Variants in SPICE1 observed in about 807,000 individuals in gnomAD.
The protein encoded by SPICE1 is spindle and centriole associated protein 1.
A neutral mutation model predicts 102.7 loss-of-function variants in SPICE1; 75 were observed. The ratio of observed to expected loss-of-function variants is 0.73; its 90% CI spans 0.61 to 0.88. SPICE1 has a LOEUF of 0.88. Among genes scored for constraint, SPICE1 ranks in the 40% least tolerant of loss-of-function variants. The probability of loss-of-function intolerance (pLI) is 0.00; values close to 1 mark genes in which losing one functional copy is unlikely to be tolerated. For synonymous variants in SPICE1, 308 were observed against 350.3 expected (o/e 0.88, Z 1.35); for missense variants, 979 against 1,020.1 (o/e 0.96, Z 0.55).
intron 4 of SPICE1, among the ~76,000 whole-genome samples, chr3:113,495,003 A>T (rs1936852016): frequency 6.6e-6 from 1 of 152,256 alleles, no homozygotes; most frequent in Non-Finnish European, 1.5e-5. Context: ...AAAACATGAC[A>T]TAAGATATGA....
At chr3:113,449,358 G>T (rs1007858013) in intron 15 of SPICE1, 1 of 148,882 alleles carries the variant, frequency 6.7e-6, no homozygotes, top group African/African-American at 2.5e-5. Context: ...CATAGTACAT[G>T]TTCATATATA....
intron 1 of SPICE1, among the ~76,000 whole-genome samples, chr3:113,513,170 G>T (rs913592404): frequency 6.6e-6 from 1 of 152,138 alleles, no homozygotes; most frequent in Non-Finnish European, 1.5e-5. Flanking sequence ...AACTCGGGAG[G>T]CTGAGGCTGG....
intron 13 of SPICE1, among the ~76,000 whole-genome samples, chr3:113,455,271 A>G (rs1414570983): frequency 6.6e-6 from 1 of 152,186 alleles, no homozygotes; most frequent in African/African-American, 2.4e-5. Context: ...CTGCACACCA[A>G]TACACACAGA....
At chr3:113,456,097 T>C (rs546219802) in intron 13 of SPICE1, among the ~76,000 whole-genome samples, 20 of 152,338 alleles carry the variant, frequency 1.3e-4, no homozygotes, top group Non-Finnish European at 2.6e-4. Flanking sequence ...AGCCTGGCAC[T>C]GTCACCATTG....
intron 6 of SPICE1, among the ~76,000 whole-genome samples, chr3:113,491,618 C>A (rs1297216969): frequency 1.2e-5 from 1 of 84,026 alleles, no homozygotes; most frequent in East Asian, 3.2e-4. Context: ...GAGCGAGACT[C>A]CGTCTCAAAA....
chr3:113,483,923 T>C (rs1336154428), intron 7 of SPICE1, among the ~76,000 whole-genome samples: 1 of 152,218 alleles, frequency 6.6e-6, no homozygotes, highest in Non-Finnish European at 1.5e-5. Flanking sequence ...CCTCTTTTTC[T>C]ATTGTTTGGA....
At chr3:113,493,385 T>C in intron 5 of SPICE1, 73 bp from the exon 6 acceptor site, 1 of 1,145,196 alleles carries the variant, frequency 8.7e-7, no homozygotes, top group South Asian at 1.3e-5. Flanking sequence ...TATACTGCCA[T>C]TGGTTTGCAT....
intron 7 of SPICE1, among the ~76,000 whole-genome samples, chr3:113,480,753 T>C (rs1173873167): frequency 6.6e-6 from 1 of 151,932 alleles, no homozygotes; most frequent in Non-Finnish European, 1.5e-5. Flanking sequence ...GGTGTTTGCA[T>C]GCCTGTAGTC....
Position 113,453,916 on chromosome 3 carries a change from TGGAGCA to T in SPICE1, c.1686_1691del (p.Ala563_Pro564del). ...TTATTTCCACAGTTGGAGGAAGTCG[TGGAGCA>T]GGACGAGTTTGAACAGTCCTTCTCA... On this transcript the variant is annotated inframe_deletion, in exon 14 of 18. Transcript: ENST00000295872. 1.2e-6 allele frequency: 2 copies of T among 1,614,072 alleles called. No homozygotes were observed. The highest frequency in any genetic ancestry group is 1.7e-6 in the Non-Finnish European group (2 of 1,179,940).
chr3:113,486,605 T>C (rs1286286931), intron 7 of SPICE1, among the ~76,000 whole-genome samples: 1 of 151,558 alleles, frequency 6.6e-6, no homozygotes, highest in Non-Finnish European at 1.5e-5. Context: ...AAGAAAAAAA[T>C]ACCTGTGTAA....
intron 12 of SPICE1, 167 bp downstream of exon 12, chr3:113,460,450 T>G: frequency 1.0e-6 from 1 of 984,210 alleles, no homozygotes; most frequent in Non-Finnish European, 1.2e-6. Context: ...GCATAGAGCA[T>G]GCATCCAATA....
In SPICE1 at chr3:113,477,967, G is replaced by A. The variant is rs985236668; in HGVS notation, c.612-8729C>T. ...TAAAATAAAATAAAAAGAATCTGCC[G>A]AAAAAAAAGCATTAAAAAAAAATTT... On this transcript the variant is annotated intron_variant, in intron 7 of 17. Transcript: ENST00000295872. 1.4e-3 allele frequency among the ~76,000 whole-genome samples: 206 copies of A among 146,602 alleles called. 1 individual carries two copies. The highest frequency in any genetic ancestry group is 3.5e-3 in the Middle Eastern group (1 of 282).
At chr3:113,501,699 T>C (rs934201686) in intron 3 of SPICE1, among the ~76,000 whole-genome samples, 1 of 152,042 alleles carries the variant, frequency 6.6e-6, no homozygotes, top group Non-Finnish European at 1.5e-5. Flanking sequence ...GAAATGCAAA[T>C]TGAAACCACA....
intron 7 of SPICE1, among the ~76,000 whole-genome samples, chr3:113,485,804 A>T (rs1367563826): frequency 6.6e-6 from 1 of 152,248 alleles, no homozygotes; most frequent in East Asian, 1.9e-4. Flanking sequence ...AACATGGAAT[A>T]CTATGCAGCC....
rs369464225 is a variant in SPICE1 at position 113,493,316 on chromosome 3, C to A, written c.386-4G>T. 4.8e-5 allele frequency: 78 copies of A among 1,610,848 alleles called. No homozygotes were observed. Among genetic ancestry groups the A allele is most frequent in the Admixed American group, 2.0e-4 (12 of 59,972 alleles). ...GCCACTGTTACATTTGGAAACCCTG[C>A]AAAAGGAAAAGAAGTTGTGATGATT... On this transcript the variant is annotated splice_polypyrimidine_tract_variant and splice_region_variant and intron_variant, in intron 5 of 17. Transcript: ENST00000295872.
chr3:113,457,121 T>G lies in SPICE1; in HGVS notation c.1657+15A>C. 1 of 1,608,410 alleles carries G rather than the reference T, an allele frequency of 6.2e-7. No individual in the cohort carries two copies. Among genetic ancestry groups the G allele is most frequent in the Non-Finnish European group, 8.5e-7 (1 of 1,176,054 alleles). ...TTAAAAAACAACTTTCATGTAACTTTAGAAGAAGACTTACCGTCCTGAAGA... is the reference window on the plus strand; with the variant it reads ...TTAAAAAACAACTTTCATGTAACTTGAGAAGAAGACTTACCGTCCTGAAGA... On this transcript the variant is annotated intron_variant, in intron 13 of 17. Transcript: ENST00000295872.
chr3:113,467,106 G>T (rs1936076485), intron 10 of SPICE1, among the ~76,000 whole-genome samples: 1 of 152,086 alleles, frequency 6.6e-6, no homozygotes, highest in Non-Finnish European at 1.5e-5. Flanking sequence ...TAAAACATCT[G>T]TATTAAGGTG....
chr3:113,493,904 TA>T (rs1350878335), intron 5 of SPICE1, 144 bp downstream of exon 5: 11 of 566,470 alleles, frequency 1.9e-5, no homozygotes, highest in Non-Finnish European at 3.1e-5. Context: ...ATAATGACTC[TA>T]ACCCTAACAA....
chr3:113,457,814 A>G (rs1935815329), intron 12 of SPICE1, among the ~76,000 whole-genome samples: 1 of 152,030 alleles, frequency 6.6e-6, no homozygotes, highest in Non-Finnish European at 1.5e-5. Flanking sequence ...ATGCACCATC[A>G]CACCCAGCTA....
Sources: gnomAD v4.1 joint callset for allele counts (sites outside exome capture counted in the v4.1 genomes callset) on GRCh38, gnomAD v4.1.1 for gene constraint, MANE v1.5 for transcripts, NCBI Gene and HGNC (gene_info 2026-07-23, HGNC 2026-07-21) for gene names.